The following PCDHGC3 variants were observed in gnomAD, a reference collection of about 807,000 sequenced individuals.
PCDHGC3 encodes the protein protocadherin gamma-C3.
Under a neutral mutation model 59.2 loss-of-function variants are expected in PCDHGC3, and 26 were observed. The observed-to-expected ratio is 0.44, with a 90% CI of 0.32 to 0.61. The LOEUF (loss-of-function observed/expected upper bound fraction) is 0.61. Ranked by LOEUF, PCDHGC3 falls within the 20% of genes least tolerant of loss-of-function variation. PCDHGC3 has a pLI of 0.05. For synonymous variants in PCDHGC3, 487 were observed against 519.7 expected (o/e 0.94, Z 0.86); for missense variants, 1,080 against 1,221.8 (o/e 0.88, Z 1.73).
intron 3 of PCDHGC3, among the ~76,000 whole-genome samples, chr5:141,510,415 C>G (rs2099881071): frequency 6.6e-6 from 1 of 152,082 alleles, no homozygotes; most frequent in Admixed American, 6.5e-5. Flanking sequence ...GCATGTAAAG[C>G]CATGGTTTCA....
At position 141,485,398 on chromosome 5, in the gene PCDHGC3, C is replaced by T. The variant is rs906016330; in HGVS notation, c.2430+6852C>T. The T allele has an allele frequency of 1.3e-5, 21 of 1,614,044 alleles. No individual in the cohort carries two copies. The highest frequency in any genetic ancestry group is 1.8e-5 in the Non-Finnish European group (21 of 1,179,928). On this transcript the variant is annotated intron_variant, in intron 1 of 3. Coordinates refer to ENST00000308177, the MANE Select transcript of PCDHGC3 (RefSeq NM_002588.4). This position sits in a 1 kb window ranked among gnomAD's most constrained non-coding sequence, Gnocchi z 5.7. ...CTGGAGAGGTGAACCAAAGACACTT[C>T]CGTGTGGATTTGGACAGCGGAGCCC...
chr5:141,495,069 T>G (rs1179878936), intron 2 of PCDHGC3, among the ~76,000 whole-genome samples: 1 of 152,142 alleles, frequency 6.6e-6, no homozygotes, highest in African/African-American at 2.4e-5. Flanking sequence ...GGAAGCTCAA[T>G]TCACATGCTT....
rs1488042504 is a variant in PCDHGC3, at chr5:141,511,552, T to C, written c.*379T>C. ...CCTCCTCCCCACCCCACTCCAACAG[T>C]TCCTCTTTCCCGAGTAAGGTGGTTG... On this transcript the variant is annotated 3_prime_UTR_variant, in exon 4 of 4. Coordinates refer to ENST00000308177, the MANE Select transcript of PCDHGC3 (RefSeq NM_002588.4). 1.3e-5 allele frequency: 4 copies of C among 304,316 alleles called. No individual in the cohort carries two copies. The highest frequency in any genetic ancestry group is 2.6e-5 in the Non-Finnish European group (4 of 156,548). The allele number at this position is 304,316 out of a possible 1,614,324, so 18.9% of individuals were successfully genotyped here.
rs773232677 is a variant in PCDHGC3, at chr5:141,490,388, G to A, written c.2431-4419G>A. 2 of 1,614,206 alleles carry A rather than the reference G, an allele frequency of 1.2e-6. No homozygotes were observed. The highest frequency in any genetic ancestry group is 2.2e-5 in the East Asian group (1 of 44,878). The stretch of plus-strand genomic sequence containing the variant: ...CGAGACCGGGACTCAGGTAGAAATG[G>A]TGAAGTGAGCCTTGATATCTCTCCG... On this transcript the variant is annotated intron_variant, in intron 1 of 3. Transcript: ENST00000308177. The surrounding 1 kb of genome is among the most constrained non-coding windows in gnomAD (Gnocchi z 5.4).
Position 141,491,009 on chromosome 5 carries a change from C to A in PCDHGC3, c.2431-3798C>A. On this transcript the variant is annotated intron_variant, in intron 1 of 3. Transcript: ENST00000308177. This position sits in a 1 kb window ranked among gnomAD's most constrained non-coding sequence, Gnocchi z 6.9. ...TCTGCTCCTCCTGGCTCCTTGGTCA[C>A]CAAGGTGACAGCCGTGGATGCTGAT... 4 of 1,614,140 alleles carry A rather than the reference C, an allele frequency of 2.5e-6. No homozygotes were observed. Among genetic ancestry groups the A allele is most frequent in the Non-Finnish European group, 3.4e-6 (4 of 1,180,038 alleles).
At chr5:141,478,765 C>T in intron 1 of PCDHGC3, 1 of 1,508,614 alleles carries the variant, frequency 6.6e-7, no homozygotes, top group Non-Finnish European at 8.9e-7. Context: ...AGATACTTGA[C>T]TCATCTGTGG....
At chr5:141,495,164 C>T (rs1326419591) in intron 2 of PCDHGC3, among the ~76,000 whole-genome samples, 4 of 152,198 alleles carry the variant, frequency 2.6e-5, no homozygotes, top group Admixed American at 1.3e-4. Context: ...AAGCTGGTCT[C>T]TGGGTGAAAG....
At position 141,497,540 on chromosome 5, in the gene PCDHGC3, C is replaced by CT. The variant is rs754207034; in HGVS notation, c.2489+2693dup. On this transcript the variant is annotated intron_variant, in intron 2 of 3. Transcript: ENST00000308177. Reference sequence around the variant, plus strand: ...TTAACTTGTGGAGGATGCAACAAACCTTTTTTTTTTTTTTTTTTAGACAGA... The same window carrying CT: ...TTAACTTGTGGAGGATGCAACAAACCTTTTTTTTTTTTTTTTTTTAGACAGA... Among the ~76,000 whole-genome samples, 618 of 134,908 alleles carry CT rather than the reference C, an allele frequency of 4.6e-3. 3 individuals carry two copies. The highest frequency in any genetic ancestry group is 0.012 in the African/African-American group (419 of 35,974). 88.5% of individuals were successfully genotyped at this position (134,908 alleles called of 152,430 possible). A position where few individuals can be genotyped will look rare whatever the true frequency, so the allele number is the denominator to read the frequency against.
At chr5:141,494,729 C>A in intron 1 of PCDHGC3, 78 bp from the exon 2 acceptor site, 1 of 1,610,166 alleles carries the variant, frequency 6.2e-7, no homozygotes. Context: ...CCTTCTCTCC[C>A]GGCCCATCCC....
intron 2 of PCDHGC3, among the ~76,000 whole-genome samples, chr5:141,501,052 A>G (rs1007055288): frequency 6.6e-6 from 1 of 151,988 alleles, no homozygotes; most frequent in Non-Finnish European, 1.5e-5. Flanking sequence ...TATTTTTAGT[A>G]GAGACGGGGT....
chr5:141,507,151 G>C (rs1423834553), intron 3 of PCDHGC3: 2 of 152,192 alleles, frequency 1.3e-5, no homozygotes, highest in African/African-American at 4.8e-5. Context: ...TATTACCTGA[G>C]CAGGATGAGA....
Position 141,505,566 on chromosome 5 carries a change from A to G in PCDHGC3, c.2578+85A>G, listed in dbSNP as rs1363426407. 1.4e-5 allele frequency: 22 copies of G among 1,599,886 alleles called. No individual in the cohort carries two copies. In the East Asian group the frequency reaches 4.7e-4, roughly 34 times the overall value. ...CACAGCCACCATGCCCACGGACTGGATGTCAAACCTGTGTAGTTTCTCCAG... is the reference window on the plus strand; with the variant it reads ...CACAGCCACCATGCCCACGGACTGGGTGTCAAACCTGTGTAGTTTCTCCAG... On this transcript the variant is annotated intron_variant, in intron 3 of 3. Coordinates refer to ENST00000308177, the MANE Select transcript of PCDHGC3 (RefSeq NM_002588.4).
rs1426255577 is a variant in PCDHGC3, at chr5:141,512,797, TG to T, written c.*1625del. 6.6e-6 allele frequency: 1 copy of T among 152,300 alleles called. No homozygotes were observed. Among genetic ancestry groups the T allele is most frequent in the African/African-American group, 2.4e-5 (1 of 41,444 alleles). The allele number at this position is 152,300 out of a possible 1,614,324, so 9.4% of individuals were successfully genotyped here. On this transcript the variant is annotated 3_prime_UTR_variant, in exon 4 of 4. Transcript: ENST00000308177. ...GCGGCCCGTGTTGTGTTTTGTGCTGTGTCCACGCGCTAAGGCGACCCCCTCC... is the reference window on the plus strand; with the variant it reads ...GCGGCCCGTGTTGTGTTTTGTGCTGTTCCACGCGCTAAGGCGACCCCCTCC...
rs757157488 is a variant in PCDHGC3 at position 141,477,668 on chromosome 5, A to G, written c.1552A>G (p.Ile518Val). ...RYFTINRDNG[I>V]VSSLVPLDYE... ...TTTCACAATAAATCGTGACAATGGC[A>G]TAGTGTCATCCTTAGTGCCCCTAGA... The change falls in exon 1 of 4, where the codon ATA becomes GTA. Residue 518 changes from isoleucine to valine, a missense_variant. Coordinates refer to ENST00000308177, the MANE Select transcript of PCDHGC3 (RefSeq NM_002588.4). The surrounding 1 kb of genome is among the most constrained non-coding windows in gnomAD (Gnocchi z 4.9). 10 of 1,614,104 alleles carry G rather than the reference A, an allele frequency of 6.2e-6. No individual in the cohort carries two copies. Among genetic ancestry groups the G allele is most frequent in the Non-Finnish European group, 8.5e-6 (10 of 1,180,046 alleles).
At position 141,494,820 on chromosome 5, in the gene PCDHGC3, A is replaced by G; in HGVS notation, c.2444A>G (p.Asn815Ser). ...TTTTCTCCACAGCAAGCCCCGCCCA[A>G]CACGGACTGGCGTTTCTCTCAGGCC... ...SAPPGQQAPP[N>S]TDWRFSQAQR... Residue 815 changes from asparagine to serine, a missense_variant, in exon 2 of 4, where the codon AAC becomes AGC. By Grantham distance (46) the Asn-to-Ser change is conservative. Transcript: ENST00000308177. 1.2e-6 allele frequency: 2 copies of G among 1,613,988 alleles called. No individual in the cohort carries two copies. Among genetic ancestry groups the G allele is most frequent in the Middle Eastern group, 1.6e-4 (1 of 6,062 alleles).
chr5:141,493,338 A>G lies in PCDHGC3; in HGVS notation c.2431-1469A>G, dbSNP rs773870729. Among the ~76,000 whole-genome samples the G allele has an allele frequency of 6.6e-6, 1 of 152,162 alleles. No individual in the cohort carries two copies. The highest frequency in any genetic ancestry group is 1.5e-5 in the Non-Finnish European group (1 of 68,028). On this transcript the variant is annotated intron_variant, in intron 1 of 3. Transcript: ENST00000308177. This position sits in a 1 kb window ranked among gnomAD's most constrained non-coding sequence, Gnocchi z 4.3. ...GATTCTAACCCCTGTCTAACTCCAG[A>G]ATGTGTGCTTTTAATTTCTTGGCAC...
chr5:141,479,710 T>C (rs901198074), intron 1 of PCDHGC3: 1 of 152,264 alleles, frequency 6.6e-6, no homozygotes, highest in African/African-American at 2.4e-5. Flanking sequence ...GTCCCTGTCC[T>C]TCCAGCCTTA....
chr5:141,508,451 C>T (rs1245251907), intron 3 of PCDHGC3, among the ~76,000 whole-genome samples: 1 of 152,180 alleles, frequency 6.6e-6, no homozygotes, highest in Admixed American at 6.5e-5. Flanking sequence ...AGTGGCAGAG[C>T]AGAGCAAATA....
intron 3 of PCDHGC3, among the ~76,000 whole-genome samples, chr5:141,510,162 A>C (rs947806998): frequency 6.6e-6 from 1 of 151,838 alleles, no homozygotes; most frequent in Non-Finnish European, 1.5e-5. Flanking sequence ...AATCTCAGCT[A>C]CTCAGGAGGT....
Sources: allele counts gnomAD v4.1 joint callset (sites outside exome capture counted in the v4.1 genomes callset), GRCh38; gene constraint gnomAD v4.1.1; non-coding constraint Gnocchi (gnomAD v3.1); transcripts MANE v1.5; gene names NCBI Gene and HGNC (gene_info 2026-07-23, HGNC 2026-07-21).